SFTPA2: variants seen among roughly 807,000 people sequenced by gnomAD.
SFTPA2 encodes surfactant protein A2.
In SFTPA2, 21 loss-of-function variants were observed where a neutral mutation model predicts 20.3. That is an observed-to-expected ratio of 1.03 (90% CI 0.73 to 1.49). The LOEUF (loss-of-function observed/expected upper bound fraction) is 1.49. Among genes scored for constraint, SFTPA2 ranks in the 40% most tolerant of loss-of-function variants. SFTPA2 has a pLI of 0.00. For missense variants in SFTPA2, 302 were observed against 314.8 expected (o/e 0.96, Z 0.31); for synonymous variants, 116 against 118.7 (o/e 0.98, Z 0.15).
In SFTPA2 at chr10:79,556,841, G is replaced by A. The variant is rs1006034752; in HGVS notation, c.*368C>T. ...GCAGAGCTGAGGGGACCAGGAGGCA[G>A]GCACTCTGTGTGACTTTGGAGGATC... On this transcript the variant is annotated 3_prime_UTR_variant, in exon 6 of 6. Transcript: ENST00000372325. 2 of 402,600 alleles carry A rather than the reference G, an allele frequency of 5.0e-6. No homozygotes were observed. Among genetic ancestry groups the A allele is most frequent in the Non-Finnish European group, 9.1e-6 (2 of 220,884 alleles). The allele number at this position is 402,600 out of a possible 1,614,324, so 24.9% of individuals were successfully genotyped here. A position where few individuals can be genotyped will look rare whatever the true frequency, so the allele number is the denominator to read the frequency against.
intron 5 of SFTPA2, among the ~76,000 whole-genome samples, chr10:79,557,837 A>C (rs1396074386): frequency 6.6e-6 from 1 of 152,244 alleles, no homozygotes; most frequent in Non-Finnish European, 1.5e-5. Flanking sequence ...AAAGCAAGAC[A>C]GGCAGAGAAC....
chr10:79,558,395 G>A (rs974708062), intron 4 of SFTPA2, among the ~76,000 whole-genome samples: 2 of 151,462 alleles, frequency 1.3e-5, no homozygotes, highest in Non-Finnish European at 2.9e-5. Flanking sequence ...GGTTCTGTCT[G>A]CCCGCCTCTG....
intron 5 of SFTPA2, 24 bp downstream of exon 5, chr10:79,558,028 G>A (rs545210554): frequency 9.3e-6 from 15 of 1,613,992 alleles, no homozygotes; most frequent in South Asian, 8.8e-5. Flanking sequence ...CTCCTACCCC[G>A]TGAGGCCCAG....
In SFTPA2 at chr10:79,558,121, C is replaced by T. The variant is rs754353758; in HGVS notation, c.301G>A (p.Ala101Thr). The change falls in exon 5 of 6, where the codon GCT (alanine) becomes ACT (threonine). Residue 101 changes from alanine to threonine, a missense_variant. Physicochemically the swap from Ala to Thr is moderately conservative, Grantham distance 58 (BLOSUM62 0). Coordinates refer to ENST00000372325, the MANE Select transcript of SFTPA2 (RefSeq NM_001098668.4). ...GCTTGGAGCTCCTCATCTAGATGAG[C>T]TGGAAGCCCTGTGGAGAGTGCCCCA... Reference protein sequence around the residue: ...AGERGPPGLPAHLDEELQATL... With the variant: ...AGERGPPGLPTHLDEELQATL... 12 of 1,613,942 alleles carry T rather than the reference C, an allele frequency of 7.4e-6. No individual in the cohort carries two copies. The East Asian group carries it at 2.2e-4, about 30-fold the overall frequency.
chr10:79,557,015 A>T lies in SFTPA2; in HGVS notation c.*194T>A. ...TGGGATGGTTTGCAAGGGGAGTGTCAAGGCTGGTCAGTGATTATGGGGAAG... is the reference window on the plus strand; with the variant it reads ...TGGGATGGTTTGCAAGGGGAGTGTCTAGGCTGGTCAGTGATTATGGGGAAG... On this transcript the variant is annotated 3_prime_UTR_variant, in exon 6 of 6. Transcript: ENST00000372325. 1 of 972,034 alleles carries T rather than the reference A, an allele frequency of 1.0e-6. No homozygotes were observed. Among genetic ancestry groups the T allele is most frequent in the Non-Finnish European group, 1.5e-6 (1 of 660,332 alleles). The allele number at this position is 972,034 out of a possible 1,614,324, so 60.2% of individuals were successfully genotyped here.
intron 2 of SFTPA2, 112 bp downstream of exon 2, chr10:79,559,857 A>C: frequency 7.3e-7 from 1 of 1,378,608 alleles, no homozygotes; most frequent in South Asian, 1.6e-5. Flanking sequence ...ATTTCAGCTG[A>C]ATCTTCCATG....
rs1042689672 is a variant in SFTPA2, at chr10:79,557,504, A to G, written c.452T>C (p.Ile151Thr). The G allele has an allele frequency of 6.2e-7, 1 of 1,613,344 alleles. No individual in the cohort carries two copies. Among genetic ancestry groups the G allele is most frequent in the Non-Finnish European group, 8.5e-7 (1 of 1,179,644 alleles). Residue 151 changes from isoleucine to threonine, a missense_variant, in exon 6 of 6, where the codon ATT (isoleucine) becomes ACT (threonine). By Grantham distance (89) the Ile-to-Thr change is moderately conservative (BLOSUM62 -1). Coordinates refer to ENST00000372325, the MANE Select transcript of SFTPA2 (RefSeq NM_001098668.4). Reference sequence around the variant, plus strand: ...GCCTGCTCTGGCACATGCCTCCTGAATGGCATCAAAAGTGATGGACTGCCC... The same window carrying G: ...GCCTGCTCTGGCACATGCCTCCTGAGTGGCATCAAAAGTGATGGACTGCCC... ...SNGQSITFDAIQEACARAGGR... is the reference protein window; with the variant it reads ...SNGQSITFDATQEACARAGGR...
chr10:79,559,606 A>G (rs1194100094), intron 2 of SFTPA2, 100 bp from the exon 3 acceptor site: 3 of 1,586,246 alleles, frequency 1.9e-6, no homozygotes, highest in Non-Finnish European at 2.6e-6. Flanking sequence ...CCCGAGAGGC[A>G]GGGCGGGCGA....
At chr10:79,559,677 G>C in intron 2 of SFTPA2, 171 bp from the exon 3 acceptor site, 1 of 1,552,094 alleles carries the variant, frequency 6.4e-7, no homozygotes, top group Non-Finnish European at 8.7e-7. Context: ...CCTGGCACCT[G>C]GCATGGCCTC....
chr10:79,559,576 A>G, intron 2 of SFTPA2, 70 bp from the exon 3 acceptor site: 1 of 1,603,020 alleles, frequency 6.2e-7, no homozygotes, highest in Non-Finnish European at 8.5e-7. Context: ...CTCTGTCAGG[A>G]CTCAGGAAGC....
rs894454836 is a variant in SFTPA2 at position 79,559,071 on chromosome 10, T to A, written c.173-66A>T. 3.7e-6 allele frequency: 6 copies of A among 1,613,644 alleles called. No homozygotes were observed. The African/African-American group carries it at 8.0e-5, about 22-fold the overall frequency. On this transcript the variant is annotated intron_variant, in intron 3 of 5. Transcript: ENST00000372325. Reference sequence around the variant, plus strand: ...CACAACTGGTTGGAGCTAGTGAGACTCGATGCCCATTATCACCGGGGCTGG... The same window carrying A: ...CACAACTGGTTGGAGCTAGTGAGACACGATGCCCATTATCACCGGGGCTGG...
At chr10:79,559,819 A>G in intron 2 of SFTPA2, 150 bp downstream of exon 2, 1 of 1,387,532 alleles carries the variant, frequency 7.2e-7, no homozygotes. Context: ...TCACTATGTT[A>G]CCCTGGGAAA....
Position 79,556,399 on chromosome 10 carries a change from G to T in SFTPA2, c.*810C>A. 6.1e-6 allele frequency: 1 copy of T among 162,606 alleles called. No homozygotes were observed. The allele number at this position is 162,606 out of a possible 1,614,324, so 10.1% of individuals were successfully genotyped here. A position where few individuals can be genotyped will look rare whatever the true frequency, so the allele number is the denominator to read the frequency against. ...TGTATTAATAAAAGGGGAAAGTGGA[G>T]CCGGTGGCATGGGGGGTGGTGTGAA... is the stretch of plus-strand genomic sequence containing the variant. On this transcript the variant is annotated 3_prime_UTR_variant, in exon 6 of 6. Transcript: ENST00000372325.
At chr10:79,559,599 G>C in intron 2 of SFTPA2, 93 bp from the exon 3 acceptor site, 1 of 1,594,880 alleles carries the variant, frequency 6.3e-7, no homozygotes, top group South Asian at 1.1e-5. Context: ...GGCAGAGCCC[G>C]AGAGGCAGGG....
chr10:79,558,094 T>G lies in SFTPA2; in HGVS notation c.328A>C (p.Thr110Pro). The change falls in exon 5 of 6, where the codon ACA becomes CCA. Residue 110 changes from threonine to proline, a missense_variant. By Grantham distance (38) the Thr-to-Pro change is conservative. Around this residue, in one of 3 missense-constraint regions of SFTPA2, gnomAD observed 264 missense variants for 261.7 expected, o/e 1.01. Transcript: ENST00000372325. ...PAHLDEELQATLHDFRHQILQ... is the reference protein window; with the variant it reads ...PAHLDEELQAPLHDFRHQILQ... ...ATTTGATGTCTGAAGTCGTGGAGTGTGGCTTGGAGCTCCTCATCTAGATGA... is the reference window on the plus strand; with the variant it reads ...ATTTGATGTCTGAAGTCGTGGAGTGGGGCTTGGAGCTCCTCATCTAGATGA... The G allele has an allele frequency of 6.2e-7, 1 of 1,614,072 alleles. No individual in the cohort carries two copies. The highest frequency in any genetic ancestry group is 8.5e-7 in the Non-Finnish European group (1 of 1,179,996).
Position 79,560,004 on chromosome 10 carries a change from A to C in SFTPA2, c.-53-6T>G. ...GGCTCCAAGAAATCAGCGACCTGAGAATGAAAAGAGATGAATAGGGCCCAC... is the reference window on the plus strand; with the variant it reads ...GGCTCCAAGAAATCAGCGACCTGAGCATGAAAAGAGATGAATAGGGCCCAC... On this transcript the variant is annotated splice_polypyrimidine_tract_variant and splice_region_variant and intron_variant, in intron 1 of 5. Coordinates refer to ENST00000372325, the MANE Select transcript of SFTPA2 (RefSeq NM_001098668.4). The C allele has an allele frequency of 8.5e-7, 1 of 1,176,302 alleles. No individual in the cohort carries two copies. Among genetic ancestry groups the C allele is most frequent in the Non-Finnish European group, 1.1e-6 (1 of 946,212 alleles). The allele number at this position is 1,176,302 out of a possible 1,614,324, so 72.9% of individuals were successfully genotyped here.
At position 79,558,921 on chromosome 10, in the gene SFTPA2, C is replaced by T. The variant is rs200897593; in HGVS notation, c.257G>A (p.Gly86Glu). 103 of 1,614,144 alleles carry T rather than the reference C, an allele frequency of 6.4e-5. 1 individual carries two copies. Among genetic ancestry groups the T allele is most frequent in the Non-Finnish European group, 7.8e-5 (92 of 1,180,022 alleles). ...PGAPGVPGER[G>E]EKGEAGERGP... is the part of the protein sequence containing the mutation. ...TCTCTCGCCAGCCTCCCCCTTCTCT[C>T]CACGCTCTCCAGGGACACCAGGGGC... The change falls in exon 4 of 6, where the codon GGA becomes GAA. Residue 86 changes from glycine to glutamate, a missense_variant. Physicochemically the swap from Gly to Glu is moderately conservative, Grantham distance 98 (BLOSUM62 -2). Transcript: ENST00000372325.
intron 4 of SFTPA2, 155 bp from the exon 5 acceptor site, chr10:79,558,284 C>A: frequency 2.7e-5 from 27 of 982,288 alleles, no homozygotes; most frequent in Non-Finnish European, 3.3e-5. Context: ...CCACGAGATT[C>A]CAGTGTGTCT....
At chr10:79,560,100 C>T (rs1859111739) in intron 1 of SFTPA2, 102 bp from the exon 2 acceptor site, 1 of 911,714 alleles carries the variant, frequency 1.1e-6, no homozygotes, top group Non-Finnish European at 1.3e-6. Flanking sequence ...GTCTTCCTTC[C>T]TCTTGGGGTC....
Sources: allele counts gnomAD v4.1 joint callset (sites outside exome capture counted in the v4.1 genomes callset), GRCh38; gene constraint gnomAD v4.1.1; regional missense constraint gnomAD v4.1.1; transcripts MANE v1.5; gene names NCBI Gene and HGNC (gene_info 2026-07-23, HGNC 2026-07-21).